USHBP1: variants seen among roughly 807,000 people sequenced by gnomAD.
The protein encoded by USHBP1 is harmonin-binding protein USHBP1.
In USHBP1, 67 loss-of-function variants were observed where a neutral mutation model predicts 76.2. That is an observed-to-expected ratio of 0.88 (90% confidence interval 0.72 to 1.08). The LOEUF is 1.08. USHBP1 is among the 50% of genes least tolerant of loss of function. The pLI is 0.00. For synonymous variants in USHBP1, 322 were observed against 362.2 expected (o/e 0.89, Z 1.26); for missense variants, 931 against 915.0 (o/e 1.02, Z -0.23).
chr19:17,259,660 G>A lies in USHBP1; in HGVS notation c.841C>T (p.Leu281Phe), dbSNP rs201874448. The stretch of plus-strand genomic sequence containing the variant: ...TCAGGACTGAGGGGCTGGTTGGGAA[G>A]AGACCCAAGGATCTGGGTGCTGGAA... The part of the protein sequence containing the change: ...SHSSTQILGS[L>F]PNQPLSPEMH... The change falls in exon 6 of 13, where the codon CTT (leucine) becomes TTT (phenylalanine). Residue 281 changes from leucine to phenylalanine, a missense_variant. Coordinates refer to ENST00000252597, the MANE Select transcript of USHBP1 (RefSeq NM_031941.4). 1.1e-4 allele frequency: 177 copies of A among 1,613,990 alleles called. No homozygotes were observed. Among genetic ancestry groups the A allele is most frequent in the Non-Finnish European group, 1.4e-4 (169 of 1,180,026 alleles).
At chr19:17,259,122 A>G (rs1010876502) in intron 7 of USHBP1, among the ~76,000 whole-genome samples, 167 bp downstream of exon 7, 3 of 152,018 alleles carry the variant, frequency 2.0e-5, no homozygotes, top group African/African-American at 7.2e-5. Flanking sequence ...CTGAGATCTC[A>G]CCACTGCACT....
chr19:17,256,625 A>AT lies in USHBP1; in HGVS notation c.1315dup (p.Met439AsnfsTer68). 2 of 1,614,194 alleles carry AT rather than the reference A, an allele frequency of 1.2e-6. No homozygotes were observed. Among genetic ancestry groups the AT allele is most frequent in the South Asian group, 2.2e-5 (2 of 91,086 alleles). Reference sequence around the variant, plus strand: ...GGGGCCAGGCTCTGAGAGAATCTTCATTAGAGAACGGCGCTCCTGGAGACG... The same window carrying AT: ...GGGGCCAGGCTCTGAGAGAATCTTCATTTAGAGAACGGCGCTCCTGGAGACG... On this transcript the variant is annotated frameshift_variant, in exon 9 of 13. Transcript: ENST00000252597. LOFTEE classifies it high-confidence loss of function.
At position 17,262,608 on chromosome 19, in the gene USHBP1, G is replaced by A. The variant is rs764919205; in HGVS notation, c.586C>T (p.Arg196Cys). 27 of 1,613,628 alleles carry A rather than the reference G, an allele frequency of 1.7e-5. No homozygotes were observed. In the East Asian group the frequency reaches 3.3e-4, roughly 20 times the overall value. ...ATGGCCTCCAGGGAGGCCTGCGTGC[G>A]GACCAGCTCATCCTCTCGGCTACTC... ...ALSSREDELV[R>C]TQASLEAIRA... Residue 196 changes from arginine to cysteine, a missense_variant, in exon 4 of 13, where the codon CGC becomes TGC. Coordinates refer to ENST00000252597, the MANE Select transcript of USHBP1 (RefSeq NM_031941.4).
intron 4 of USHBP1, among the ~76,000 whole-genome samples, chr19:17,262,141 C>G (rs2073696635): frequency 6.6e-6 from 1 of 152,050 alleles, no homozygotes; most frequent in African/African-American, 2.4e-5. Context: ...GCTGGGATTA[C>G]AGGCCTATGC....
At chr19:17,250,714 C>G (rs570773939) in intron 12 of USHBP1, among the ~76,000 whole-genome samples, 1 of 151,976 alleles carries the variant, frequency 6.6e-6, no homozygotes, top group Non-Finnish European at 1.5e-5. Flanking sequence ...CCACGCCCAG[C>G]TAATTTTTTT....
At position 17,251,741 on chromosome 19, in the gene USHBP1, A is replaced by G. The variant is rs1422664380; in HGVS notation, c.1800-37T>C. 3.7e-6 allele frequency: 6 copies of G among 1,608,878 alleles called. No individual in the cohort carries two copies. In the African/African-American group the frequency reaches 8.0e-5, roughly 21 times the overall value. On this transcript the variant is annotated intron_variant, in intron 11 of 12. Coordinates refer to ENST00000252597, the MANE Select transcript of USHBP1 (RefSeq NM_031941.4). ...GAGAAGAGAGGGGGCTCACAGCCCC[A>G]GCCGATCCTGTTTCCCAGGTCTCCT...
chr19:17,254,776 C>T (rs917946683), intron 10 of USHBP1, among the ~76,000 whole-genome samples: 4 of 152,018 alleles, frequency 2.6e-5, no homozygotes, highest in East Asian at 2.0e-4. Context: ...CTCAGCCACC[C>T]GAGTAGCTGG....
Position 17,255,373 on chromosome 19 carries a change from A to C in USHBP1, c.1692+12T>G. 2 of 1,610,644 alleles carry C rather than the reference A, an allele frequency of 1.2e-6. No homozygotes were observed. The highest frequency in any genetic ancestry group is 1.7e-6 in the Non-Finnish European group (2 of 1,177,904). On this transcript the variant is annotated intron_variant, in intron 10 of 12. Transcript: ENST00000252597. ...AGCTACTCCCCTACCAGGTTCAGGC[A>C]GGGCAGCTCACCTGATACCACTCTT...
rs535554060 is a variant in USHBP1, at chr19:17,255,290, C to G, written c.1692+95G>C. ...CTGGGCAACAAGAGCCAAACTCCGT[C>G]TCAAAAAAAACAAAAAAAAAAAGGC... On this transcript the variant is annotated intron_variant, in intron 10 of 12. Transcript: ENST00000252597. 6.7e-6 allele frequency: 9 copies of G among 1,342,040 alleles called. No homozygotes were observed. In the African/African-American group the frequency reaches 1.9e-4, roughly 28 times the overall value. The allele number at this position is 1,342,040 out of a possible 1,614,324, so 83.1% of individuals were successfully genotyped here.
intron 4 of USHBP1, among the ~76,000 whole-genome samples, chr19:17,261,381 G>A (rs1475791921): frequency 6.9e-6 from 1 of 144,088 alleles, no homozygotes; most frequent in East Asian, 2.0e-4. Flanking sequence ...TGTCGCCCAG[G>A]CTGGAGTGCA....
At position 17,251,964 on chromosome 19, in the gene USHBP1, GC is replaced by G; in HGVS notation, c.1745del (p.Gly582AlafsTer9). Reference sequence around the variant, plus strand: ...CTAACTTCTCTGGGTCCCAGGCTCTGCCCACCTGGCCACCATCAATGCCACT... The same window carrying G: ...CTAACTTCTCTGGGTCCCAGGCTCTGCCACCTGGCCACCATCAATGCCACT... The part of the protein sequence containing the change: ...GTSGIDGGQV[G>X]RAWDPEKLAQ... On this transcript the variant is annotated frameshift_variant, in exon 11 of 13. Transcript: ENST00000252597. LOFTEE classifies it high-confidence loss of function. 1 of 1,549,254 alleles carries G rather than the reference GC, an allele frequency of 6.5e-7. No individual in the cohort carries two copies. The highest frequency in any genetic ancestry group is 8.7e-7 in the Non-Finnish European group (1 of 1,147,334).
At chr19:17,261,916 C>T (rs1025434599) in intron 4 of USHBP1, among the ~76,000 whole-genome samples, 3 of 151,078 alleles carry the variant, frequency 2.0e-5, no homozygotes, top group African/African-American at 7.3e-5. Context: ...AACTCCTGGC[C>T]TCAAGGGAGC....
In USHBP1 at chr19:17,251,563, G is replaced by T; in HGVS notation, c.1922+19C>A. ...GGGGATGGTGCCAGGGGGATTGGGG[G>T]GATGCAGAACAGTCCTACCTGTGGG... On this transcript the variant is annotated intron_variant, in intron 12 of 12. Coordinates refer to ENST00000252597, the MANE Select transcript of USHBP1 (RefSeq NM_031941.4). The T allele has an allele frequency of 6.2e-7, 1 of 1,613,058 alleles. No individual in the cohort carries two copies. The highest frequency in any genetic ancestry group is 1.1e-5 in the South Asian group (1 of 91,048).
chr19:17,262,670 C>A lies in USHBP1; in HGVS notation c.524G>T (p.Arg175Leu), dbSNP rs771253779. 1.9e-6 allele frequency: 3 copies of A among 1,614,042 alleles called. No individual in the cohort carries two copies. The highest frequency in any genetic ancestry group is 1.7e-5 in the Admixed American group (1 of 60,026). The change falls in exon 4 of 13, where the codon CGC becomes CTC. Residue 175 changes from arginine to leucine, a missense_variant. Transcript: ENST00000252597. Reference protein sequence around the residue: ...GAGSCQREAARLAERNAWLRL... With the variant: ...GAGSCQREAALLAERNAWLRL... ...GAGCCAGGCATTCCTCTCGGCCAGGCGAGCTGCCTCTCGCTGGCAGCTCCC... is the reference window on the plus strand; with the variant it reads ...GAGCCAGGCATTCCTCTCGGCCAGGAGAGCTGCCTCTCGCTGGCAGCTCCC...
chr19:17,259,571 T>A (rs767843733), intron 6 of USHBP1, 25 bp downstream of exon 6: 1 of 1,604,800 alleles, frequency 6.2e-7, no homozygotes, highest in Non-Finnish European at 8.5e-7. Flanking sequence ...TGTGCCCTTA[T>A]GAGCTCAGCA....
rs376842382 is a variant in USHBP1, at chr19:17,263,990, A to C, written c.203+12T>G. On this transcript the variant is annotated intron_variant, in intron 3 of 12. Coordinates refer to ENST00000252597, the MANE Select transcript of USHBP1 (RefSeq NM_031941.4). ...GGACTGGAGTGAAGGGCACAGACCAAGCGGGTCTTACCTGCTTCCTAGGCC... is the reference window on the plus strand; with the variant it reads ...GGACTGGAGTGAAGGGCACAGACCACGCGGGTCTTACCTGCTTCCTAGGCC... 11 of 1,558,806 alleles carry C rather than the reference A, an allele frequency of 7.1e-6. No individual in the cohort carries two copies. Among genetic ancestry groups the C allele is most frequent in the Non-Finnish European group, 8.7e-6 (10 of 1,153,170 alleles).
chr19:17,263,790 C>T (rs892377526), intron 3 of USHBP1: 9 of 559,862 alleles, frequency 1.6e-5, no homozygotes, highest in African/African-American at 1.1e-4. Context: ...CCGCTTGAAC[C>T]GGGAGGCAGG....
At chr19:17,250,583 G>A (rs1234571092) in intron 12 of USHBP1, among the ~76,000 whole-genome samples, 169 bp from the exon 13 acceptor site, 3 of 152,028 alleles carry the variant, frequency 2.0e-5, no homozygotes, top group African/African-American at 7.2e-5. Flanking sequence ...AGAATTTCGC[G>A]CTTGTCACCC....
chr19:17,259,528 T>G, intron 6 of USHBP1, 68 bp downstream of exon 6: 1 of 1,604,850 alleles, frequency 6.2e-7, no homozygotes, highest in Non-Finnish European at 8.5e-7. Flanking sequence ...AGCTTCAGAC[T>G]CCTGGCTTTA....
Sources: gnomAD v4.1 joint callset for allele counts (sites outside exome capture counted in the v4.1 genomes callset) on GRCh38, gnomAD v4.1.1 for gene constraint, MANE v1.5 for transcripts, NCBI Gene and HGNC (gene_info 2026-07-23, HGNC 2026-07-21) for gene names.